MPDZ: variants seen among roughly 807,000 people sequenced by gnomAD.
MPDZ encodes multiple PDZ domain protein.
MPDZ carries 234 observed loss-of-function variants against 239.1 expected under a neutral mutation model. The observed-to-expected ratio is 0.98, with a 90% CI of 0.88 to 1.09. MPDZ has a LOEUF of 1.09. MPDZ is among the 50% of genes least tolerant of loss of function. The pLI, the probability that MPDZ is intolerant of heterozygous loss-of-function variation, is 0.00. For missense variants in MPDZ, 3,175 were observed against 2,510.0 expected, an observed-to-expected ratio of 1.26 and a Z score of -5.66; for synonymous variants, 1,048 against 881.3, an observed-to-expected ratio of 1.19 and a Z score of -3.35.
chr9:13,209,452 T>C (rs1221678758), intron 10 of MPDZ, among the ~76,000 whole-genome samples: 3 of 152,142 alleles, frequency 2.0e-5, no homozygotes, highest in African/African-American at 7.2e-5. Flanking sequence ...ACTTTCCCCT[T>C]CCCTGTCACT....
chr9:13,181,131 A>G (rs1374732477), intron 19 of MPDZ, among the ~76,000 whole-genome samples: 1 of 152,176 alleles, frequency 6.6e-6, no homozygotes, highest in Non-Finnish European at 1.5e-5. Flanking sequence ...AGATAATCAC[A>G]TAGTTAGCAA....
intron 22 of MPDZ, among the ~76,000 whole-genome samples, chr9:13,167,348 C>A (rs1314014434): frequency 6.6e-6 from 1 of 151,866 alleles, no homozygotes; most frequent in African/African-American, 2.4e-5. Context: ...ATATGAAAGC[C>A]CATTAGTGAA....
rs77381767 is a variant in MPDZ at position 13,126,598 on chromosome 9, G to C, written c.4558-8C>G. 4.4e-6 allele frequency: 7 copies of C among 1,607,524 alleles called. No homozygotes were observed. The South Asian group carries it at 6.7e-5, about 15-fold the overall frequency. Reference sequence around the variant, plus strand: ...GACTTTGAGTCGTCCATCCTAAATGGAAACGTAGAAGAATTTGAGTGATAT... The same window carrying C: ...GACTTTGAGTCGTCCATCCTAAATGCAAACGTAGAAGAATTTGAGTGATAT... On this transcript the variant is annotated splice_polypyrimidine_tract_variant and splice_region_variant and intron_variant, in intron 33 of 46. Transcript: ENST00000319217.
At chr9:13,128,680 C>T (rs1230818618) in intron 32 of MPDZ, among the ~76,000 whole-genome samples, 1 of 152,114 alleles carries the variant, frequency 6.6e-6, no homozygotes, top group Non-Finnish European at 1.5e-5. Flanking sequence ...AATTACAGTC[C>T]CATGGTCACA....
At chr9:13,195,506 G>A (rs1587700271) in intron 13 of MPDZ, among the ~76,000 whole-genome samples, 1 of 151,890 alleles carries the variant, frequency 6.6e-6, no homozygotes, top group African/African-American at 2.4e-5. Flanking sequence ...TTTGAAATCC[G>A]TGAAATTTGC....
chr9:13,151,328 C>G (rs573551201), intron 24 of MPDZ, among the ~76,000 whole-genome samples: 14 of 152,092 alleles, frequency 9.2e-5, no homozygotes, highest in African/African-American at 3.1e-4. Context: ...CAAAATAATT[C>G]AAAGCAGGAT....
chr9:13,269,049 A>G (rs191377534), intron 1 of MPDZ, among the ~76,000 whole-genome samples: 109 of 152,346 alleles, frequency 7.2e-4, no homozygotes, highest in African/African-American at 2.5e-3. Context: ...GAGAGCCTAG[A>G]TGAAGGTAAT....
chr9:13,113,246 G>A (rs1044904217), intron 41 of MPDZ, among the ~76,000 whole-genome samples, 192 bp from the exon 42 acceptor site: 6 of 151,994 alleles, frequency 3.9e-5, no homozygotes, highest in Non-Finnish European at 2.9e-5. Context: ...TTGGAAAAAC[G>A]TGTATACCAT....
chr9:13,209,011 TC>T (rs1482494942), intron 10 of MPDZ, among the ~76,000 whole-genome samples: 3 of 152,118 alleles, frequency 2.0e-5, no homozygotes, highest in Non-Finnish European at 4.4e-5. Context: ...TGGAGGAATT[TC>T]TACTAGAAAT....
At chr9:13,218,759 T>G (rs1958684536) in intron 8 of MPDZ, among the ~76,000 whole-genome samples, 1 of 151,938 alleles carries the variant, frequency 6.6e-6, no homozygotes, top group Non-Finnish European at 1.5e-5. Context: ...ACTATAAGGC[T>G]TATCTAGAAA....
At chr9:13,122,259 T>A in intron 36 of MPDZ, 89 bp from the exon 37 acceptor site, 1 of 1,126,818 alleles carries the variant, frequency 8.9e-7, no homozygotes, top group South Asian at 1.3e-5. Context: ...TATACTTTGA[T>A]AGACAGCAAT....
At chr9:13,145,719 T>C (rs900576773) in intron 26 of MPDZ, among the ~76,000 whole-genome samples, 2 of 152,032 alleles carry the variant, frequency 1.3e-5, no homozygotes, top group African/African-American at 4.8e-5. Context: ...ACAATTGCTA[T>C]AAAATCAGGT....
At chr9:13,261,644 G>A (rs900391079) in intron 1 of MPDZ, among the ~76,000 whole-genome samples, 20 of 152,122 alleles carry the variant, frequency 1.3e-4, no homozygotes, top group African/African-American at 4.6e-4. Flanking sequence ...TCCTACACTT[G>A]ATGGGTGAAT....
intron 22 of MPDZ, among the ~76,000 whole-genome samples, chr9:13,166,300 G>C (rs1329633237): frequency 3.9e-5 from 6 of 152,150 alleles, no homozygotes; most frequent in African/African-American, 7.2e-5. Flanking sequence ...CACGAAACAA[G>C]TGGTAAGGGC....
intron 23 of MPDZ, among the ~76,000 whole-genome samples, chr9:13,159,546 G>C (rs145266890): frequency 6.6e-6 from 1 of 152,146 alleles, no homozygotes; most frequent in Admixed American, 6.6e-5. Context: ...ACAGGACAGA[G>C]TATGACGAAG....
intron 26 of MPDZ, among the ~76,000 whole-genome samples, chr9:13,145,835 GT>G (rs1390126712): frequency 6.6e-6 from 1 of 151,796 alleles, no homozygotes; most frequent in Admixed American, 6.6e-5. Flanking sequence ...AATATTTGTA[GT>G]TTTAAGTTTT....
intron 18 of MPDZ, among the ~76,000 whole-genome samples, chr9:13,184,415 AT>A (rs914508508): frequency 3.3e-5 from 5 of 149,544 alleles, no homozygotes; most frequent in South Asian, 2.1e-4. Context: ...ATATGTTCTA[AT>A]TTTTTTTTTG....
chr9:13,135,930 C>A (rs1946671605), intron 31 of MPDZ, 162 bp downstream of exon 31: 1 of 529,270 alleles, frequency 1.9e-6, no homozygotes, highest in East Asian at 3.0e-5. Context: ...TGCTTATTTC[C>A]ATGAGTGTCT....
chr9:13,195,985 A>T (rs1955591371), intron 13 of MPDZ, 136 bp downstream of exon 13: 2 of 552,014 alleles, frequency 3.6e-6, no homozygotes, highest in East Asian at 6.0e-5. Context: ...CTGGATCACC[A>T]TATTTAGGTT....
Sources: allele counts gnomAD v4.1 joint callset (sites outside exome capture counted in the v4.1 genomes callset), GRCh38; gene constraint gnomAD v4.1.1; transcripts MANE v1.5; gene names NCBI Gene and HGNC (gene_info 2026-07-23, HGNC 2026-07-21).